The following SMCHD1 variants were observed in gnomAD, a reference collection of about 807,000 sequenced individuals.
The protein encoded by SMCHD1 is structural maintenance of chromosomes flexible hinge domain-containing protein 1.
Under a neutral mutation model 254.7 loss-of-function variants are expected in SMCHD1, and 78 were observed. The observed-to-expected ratio is 0.31, with a 90% CI of 0.26 to 0.37. SMCHD1 has a LOEUF of 0.37. SMCHD1 is among the 10% of genes least tolerant of loss of function. The pLI is 1.00. For missense variants in SMCHD1, 1,840 were observed against 2,408.1 expected (o/e 0.76, Z 4.94); for synonymous variants, 766 against 794.9 (o/e 0.96, Z 0.61).
chr18:2,763,601 C>G, intron 36 of SMCHD1, 36 bp from the exon 37 acceptor site: 1 of 1,484,716 alleles, frequency 6.7e-7, no homozygotes, highest in Non-Finnish European at 9.0e-7. Flanking sequence ...ATCTTCTCAT[C>G]AGTTTCTCTA....
intron 34 of SMCHD1, among the ~76,000 whole-genome samples, chr18:2,756,763 C>G (rs116340705): frequency 5.8e-4 from 88 of 152,160 alleles, no homozygotes; most frequent in African/African-American, 2.0e-3. Flanking sequence ...GTCTGTCAGA[C>G]TATCAATTTT....
Position 2,785,670 on chromosome 18 carries a change from A to AAAAAAAAAAAAAAAG in SMCHD1, c.5719+1050_5719+1051insAAAAAAAAAAAAAGA, listed in dbSNP as rs57180698. The stretch of plus-strand genomic sequence containing the variant: ...CTCAAAAAAAAAAAAAAAAAAAAAA[A>AAAAAAAAAAAAAAAG]ACAGTTCATTGGTGTTAAGTGCATT... On this transcript the variant is annotated intron_variant, in intron 45 of 47. Coordinates refer to ENST00000320876, the MANE Select transcript of SMCHD1 (RefSeq NM_015295.3). Among the ~76,000 whole-genome samples, 8 of 97,930 alleles carry AAAAAAAAAAAAAAAG rather than the reference A, an allele frequency of 8.2e-5. 3 individuals are homozygous for AAAAAAAAAAAAAAAG. The highest frequency in any genetic ancestry group is 4.7e-4 in the Admixed American group (3 of 6,368). The allele number at this position is 97,930 out of a possible 152,430, so 64.2% of individuals were successfully genotyped here. A position where few individuals can be genotyped will look rare whatever the true frequency, so the allele number is the denominator to read the frequency against.
chr18:2,740,496 A>G (rs1399547907), intron 27 of SMCHD1, among the ~76,000 whole-genome samples: 3 of 152,126 alleles, frequency 2.0e-5, no homozygotes, highest in East Asian at 1.9e-4. Context: ...GCATCGTGTT[A>G]AATGTAGTTG....
intron 17 of SMCHD1, among the ~76,000 whole-genome samples, chr18:2,715,206 T>G (rs1377274215): frequency 6.6e-6 from 1 of 152,164 alleles, no homozygotes; most frequent in East Asian, 1.9e-4. Flanking sequence ...TCTAAAGTTT[T>G]TGCTTTTTCT....
At position 2,766,280 on chromosome 18, in the gene SMCHD1, G is replaced by A. The variant is rs866290006; in HGVS notation, c.4719+2491G>A. Reference sequence around the variant, plus strand: ...AGTGCTGGGATTACAGGCGTGAGCCGCCGTGCCCGGCCTGTCTCCAGTTTT... The same window carrying A: ...AGTGCTGGGATTACAGGCGTGAGCCACCGTGCCCGGCCTGTCTCCAGTTTT... On this transcript the variant is annotated intron_variant, in intron 37 of 47. Coordinates refer to ENST00000320876, the MANE Select transcript of SMCHD1 (RefSeq NM_015295.3). Among the ~76,000 whole-genome samples the A allele has an allele frequency of 6.6e-5, 10 of 152,280 alleles. 1 individual carries two copies. The South Asian group carries it at 8.3e-4, about 13-fold the overall frequency.
chr18:2,753,252 G>GC (rs1443643249), intron 34 of SMCHD1: 1 of 152,146 alleles, frequency 6.6e-6, no homozygotes, highest in East Asian at 1.9e-4. Flanking sequence ...ATTTTCCTTT[G>GC]CATAAGACTT....
In SMCHD1 at chr18:2,804,377, C is replaced by G. The variant is rs2143895377; in HGVS notation, c.*1825C>G. The G allele has an allele frequency of 6.6e-6, 1 of 152,292 alleles. No individual in the cohort carries two copies. The highest frequency in any genetic ancestry group is 1.9e-4 in the East Asian group (1 of 5,180). The allele number at this position is 152,292 out of a possible 1,614,324, so 9.4% of individuals were successfully genotyped here. A position where few individuals can be genotyped will look rare whatever the true frequency, so the allele number is the denominator to read the frequency against. On this transcript the variant is annotated 3_prime_UTR_variant, in exon 48 of 48. Coordinates refer to ENST00000320876, the MANE Select transcript of SMCHD1 (RefSeq NM_015295.3). ...TCTTGAACTCCTGGGTTCAAGCAGT[C>G]TTCCTGCCTTGGCCTCCTAAGTAGC...
intron 17 of SMCHD1, among the ~76,000 whole-genome samples, chr18:2,708,837 G>C (rs1414914959): frequency 8.5e-6 from 1 of 116,986 alleles, no homozygotes; most frequent in African/African-American, 3.3e-5. Flanking sequence ...TATTGGTCAG[G>C]CTGGTCCCTG....
chr18:2,685,095 TTTTTTTC>T (rs1439018318), intron 5 of SMCHD1, among the ~76,000 whole-genome samples: 48 of 23,600 alleles, frequency 2.0e-3, no homozygotes, highest in South Asian at 5.0e-3. Flanking sequence ...CTGTCCCTTA[TTTTTTTC>T]TTTTTTTTTT....
At chr18:2,672,960 T>G (rs557302651) in intron 3 of SMCHD1, 2 of 560,384 alleles carry the variant, frequency 3.6e-6, no homozygotes, top group Admixed American at 1.3e-4. Context: ...GCAGACTATT[T>G]GATTTTATGG....
chr18:2,783,243 T>C (rs1393639900), intron 44 of SMCHD1, among the ~76,000 whole-genome samples: 1 of 152,212 alleles, frequency 6.6e-6, no homozygotes, highest in African/African-American at 2.4e-5. Context: ...TCTGTTACTA[T>C]TTTTTCCTGA....
intron 6 of SMCHD1, 21 bp from the exon 7 acceptor site, chr18:2,688,607 A>C (rs1447054552): frequency 6.4e-7 from 1 of 1,558,054 alleles, no homozygotes; most frequent in South Asian, 1.2e-5. Flanking sequence ...TTTAAAAAGT[A>C]CTCTTTTTAA....
chr18:2,721,300 G>C (rs912140840), intron 19 of SMCHD1, among the ~76,000 whole-genome samples: 3 of 152,052 alleles, frequency 2.0e-5, no homozygotes, highest in Non-Finnish European at 2.9e-5. Flanking sequence ...TGCTTTTGTA[G>C]AGTCATTGTT....
chr18:2,752,411 T>G lies in SMCHD1; in HGVS notation c.4282-77T>G, dbSNP rs2075592147. 8.9e-6 allele frequency: 8 copies of G among 896,628 alleles called. No homozygotes were observed. In the East Asian group the frequency reaches 1.5e-4, roughly 16 times the overall value. 55.5% of individuals were successfully genotyped at this position (896,628 alleles called of 1,614,324 possible). On this transcript the variant is annotated intron_variant, in intron 33 of 47. Transcript: ENST00000320876. ...ATACACATTCAGTTTAGGTATATAATAAGCTTTCCTCCTAAGTATACTATG... is the reference window on the plus strand; with the variant it reads ...ATACACATTCAGTTTAGGTATATAAGAAGCTTTCCTCCTAAGTATACTATG...
At chr18:2,767,696 C>T (rs1162784842) in intron 37 of SMCHD1, among the ~76,000 whole-genome samples, 1 of 143,626 alleles carries the variant, frequency 7.0e-6, no homozygotes, top group Non-Finnish European at 1.5e-5. Context: ...TTCAAACAAT[C>T]CTCCCACCTC....
chr18:2,707,078 CCACCAGGTCCCTCCCTTGA>C lies in SMCHD1; in HGVS notation c.2064-480_2064-462del, dbSNP rs572949212. 5.9e-3 allele frequency among the ~76,000 whole-genome samples: 899 copies of C among 152,192 alleles called. 13 individuals are homozygous for C. Among genetic ancestry groups the C allele is most frequent in the African/African-American group, 0.021 (853 of 41,516 alleles). The stretch of plus-strand genomic sequence containing the variant: ...ACCATTCCTGTGATCCAATCACCGC[CCACCAGGTCCCTCCCTTGA>C]CACCTGGGGATTAGAATTCGAGATG... On this transcript the variant is annotated intron_variant, in intron 15 of 47. Coordinates refer to ENST00000320876, the MANE Select transcript of SMCHD1 (RefSeq NM_015295.3).
At chr18:2,791,370 G>A (rs937508085) in intron 45 of SMCHD1, among the ~76,000 whole-genome samples, 3 of 152,140 alleles carry the variant, frequency 2.0e-5, no homozygotes, top group Non-Finnish European at 1.5e-5. Flanking sequence ...TGGGCGGATT[G>A]CTTGAGACCA....
At chr18:2,673,955 T>C in intron 4 of SMCHD1, 60 bp from the exon 5 acceptor site, 4 of 1,478,310 alleles carry the variant, frequency 2.7e-6, no homozygotes, top group Non-Finnish European at 2.7e-6. Context: ...TGTTTAACTT[T>C]TCATGTTTTA....
intron 4 of SMCHD1, 64 bp downstream of exon 4, chr18:2,673,427 G>T: frequency 9.0e-7 from 1 of 1,113,228 alleles, no homozygotes; most frequent in East Asian, 2.7e-5. Flanking sequence ...AAAGTTTATT[G>T]GAGAAAATGA....
Sources: gnomAD v4.1 joint callset for allele counts (sites outside exome capture counted in the v4.1 genomes callset) on GRCh38, gnomAD v4.1.1 for gene constraint, MANE v1.5 for transcripts, NCBI Gene and HGNC (gene_info 2026-07-23, HGNC 2026-07-21) for gene names.